Variants in ZNF430 observed in about 807,000 individuals in gnomAD.
ZNF430 encodes zinc finger protein 430.
Under a neutral mutation model 56.7 loss-of-function variants are expected in ZNF430, and 35 were observed. The observed-to-expected ratio is 0.62, with a 90% CI of 0.47 to 0.82. The LOEUF is 0.82. Among genes scored for constraint, ZNF430 ranks in the 40% least tolerant of loss-of-function variants. The probability of loss-of-function intolerance (pLI) is 0.00; values close to 1 mark genes in which losing one functional copy is unlikely to be tolerated. For synonymous variants in ZNF430, 212 were observed against 224.3 expected, an observed-to-expected ratio of 0.94 and a Z score of 0.49; for missense variants, 574 against 661.0, an observed-to-expected ratio of 0.87 and a Z score of 1.44.
At chr19:21,031,162 G>A (rs924437313) in intron 2 of ZNF430, among the ~76,000 whole-genome samples, 1 of 152,172 alleles carries the variant, frequency 6.6e-6, no homozygotes, top group Non-Finnish European at 1.5e-5. Context: ...AGGATTACAA[G>A]TGTGAGCCAC....
Position 21,056,778 on chromosome 19 carries a change from T to A in ZNF430, c.470T>A (p.Leu157Gln). ...TGCKSVDECN[L>Q]HKECYDELNQ... ...TGTAAAAGTGTGGATGAGTGTAATC[T>A]GCACAAAGAATGTTATGATGAACTA... The change falls in exon 5 of 5, where the codon CTG (leucine) becomes CAG (glutamine). Residue 157 changes from leucine to glutamine, a missense_variant. By Grantham distance (113) the Leu-to-Gln change is moderately radical. Around this residue, in one of 3 missense-constraint regions of ZNF430, gnomAD observed 346 missense variants for 399.1 expected, o/e 0.87. Transcript: ENST00000261560. 6.2e-7 allele frequency: 1 copy of A among 1,613,992 alleles called. No homozygotes were observed.
At chr19:21,027,833 A>G (rs1021572273) in intron 2 of ZNF430, among the ~76,000 whole-genome samples, 1 of 152,032 alleles carries the variant, frequency 6.6e-6, no homozygotes, top group Admixed American at 6.6e-5. Flanking sequence ...TTATTGGTCT[A>G]TTCAGGGATT....
intron 4 of ZNF430, among the ~76,000 whole-genome samples, chr19:21,050,996 C>G (rs1046861209): frequency 6.6e-6 from 1 of 152,030 alleles, no homozygotes; most frequent in Non-Finnish European, 1.5e-5. Flanking sequence ...CCACCTCACT[C>G]CAGCCTGGGC....
intron 4 of ZNF430, chr19:21,036,814 A>G (rs1968007753): frequency 6.6e-6 from 1 of 152,038 alleles, no homozygotes; most frequent in Non-Finnish European, 1.5e-5. Flanking sequence ...AAAAAAAAAA[A>G]AAAAACCACA....
chr19:21,053,899 CT>C (rs1172202209), intron 4 of ZNF430, among the ~76,000 whole-genome samples: 3 of 151,480 alleles, frequency 2.0e-5, no homozygotes, highest in African/African-American at 7.3e-5. Context: ...ACTTTTACTT[CT>C]TTCTTATTTT....
At chr19:21,027,123 C>T (rs180708868) in intron 2 of ZNF430, among the ~76,000 whole-genome samples, 65 of 152,138 alleles carry the variant, frequency 4.3e-4, no homozygotes, top group Middle Eastern at 3.4e-3. Context: ...CCCCCATGCC[C>T]GGCAGATGCC....
chr19:21,047,737 G>A (rs373496616), intron 4 of ZNF430, among the ~76,000 whole-genome samples: 99 of 152,288 alleles, frequency 6.5e-4, no homozygotes, highest in African/African-American at 2.4e-3. Context: ...TCCCAGAAGG[G>A]GAATGATCTG....
At chr19:21,020,936 G>T (rs73546311) in intron 1 of ZNF430, 133 bp downstream of exon 1, 4 of 1,281,068 alleles carry the variant, frequency 3.1e-6, no homozygotes, top group Non-Finnish European at 4.5e-6. Flanking sequence ...GCCCAGCTGG[G>T]CCTCAGTCCC....
intron 4 of ZNF430, chr19:21,036,917 C>G (rs1295704608): frequency 6.6e-6 from 1 of 151,914 alleles, no homozygotes; most frequent in Admixed American, 6.6e-5. Flanking sequence ...AACTCAATAC[C>G]CATTAAATAA....
At chr19:21,055,507 G>A (rs146565059) in intron 4 of ZNF430, among the ~76,000 whole-genome samples, 1 of 151,736 alleles carries the variant, frequency 6.6e-6, no homozygotes, top group East Asian at 1.9e-4. Flanking sequence ...GGAGTGCAGT[G>A]GCGCAATCTC....
chr19:21,053,995 C>T (rs1968328205), intron 4 of ZNF430, among the ~76,000 whole-genome samples: 1 of 152,098 alleles, frequency 6.6e-6, no homozygotes, highest in East Asian at 1.9e-4. Context: ...ATATTTCAGT[C>T]TGGTAAAAAG....
At chr19:21,040,490 A>T (rs1395021649) in intron 4 of ZNF430, among the ~76,000 whole-genome samples, 1 of 152,212 alleles carries the variant, frequency 6.6e-6, no homozygotes, top group Non-Finnish European at 1.5e-5. Context: ...GTCTCTTACC[A>T]TGTGATATGT....
chr19:21,058,051 G>A lies in ZNF430; in HGVS notation c.*30G>A, dbSNP rs1403868101. 6.3e-7 allele frequency: 1 copy of A among 1,581,516 alleles called. No homozygotes were observed. Among genetic ancestry groups the A allele is most frequent in the Non-Finnish European group, 8.6e-7 (1 of 1,162,946 alleles). ...TGTGGCAAAGCCTCTAACCCGTCCTGAATTCTTACTAAACATAAGAACATT... is the reference window on the plus strand; with the variant it reads ...TGTGGCAAAGCCTCTAACCCGTCCTAAATTCTTACTAAACATAAGAACATT... On this transcript the variant is annotated 3_prime_UTR_variant, in exon 5 of 5. Coordinates refer to ENST00000261560, the MANE Select transcript of ZNF430 (RefSeq NM_025189.4).
chr19:21,023,011 A>G, intron 2 of ZNF430, 130 bp downstream of exon 2: 3 of 634,808 alleles, frequency 4.7e-6, no homozygotes, highest in Middle Eastern at 7.5e-4. Flanking sequence ...TGGATTGTCT[A>G]AGGGGGCAGA....
At chr19:21,054,651 G>A (rs1968338851) in intron 4 of ZNF430, among the ~76,000 whole-genome samples, 1 of 142,416 alleles carries the variant, frequency 7.0e-6, no homozygotes, top group Admixed American at 6.9e-5. Flanking sequence ...TGTTTTTTGA[G>A]CTTCTTCATT....
chr19:21,042,799 A>G (rs966460271), intron 4 of ZNF430, among the ~76,000 whole-genome samples: 2 of 152,020 alleles, frequency 1.3e-5, no homozygotes, highest in Non-Finnish European at 1.5e-5. Flanking sequence ...AAAAAAAAAA[A>G]ATTTAGAAAA....
intron 4 of ZNF430, among the ~76,000 whole-genome samples, chr19:21,043,158 A>G (rs1294166813): frequency 6.6e-6 from 1 of 152,058 alleles, no homozygotes; most frequent in Admixed American, 6.6e-5. Flanking sequence ...CTTTTGTTGC[A>G]GTTGCTTTTG....
chr19:21,023,725 C>T (rs1372059588), intron 2 of ZNF430, among the ~76,000 whole-genome samples: 1 of 148,898 alleles, frequency 6.7e-6, no homozygotes, highest in Non-Finnish European at 1.5e-5. Context: ...ACATGAGTTT[C>T]TCTCTCTGCA....
rs754170570 is a variant in ZNF430 at position 21,056,592 on chromosome 19, C to T, written c.323-39C>T. 4 of 1,392,744 alleles carry T rather than the reference C, an allele frequency of 2.9e-6. No homozygotes were observed. The South Asian group carries it at 6.4e-5, about 22-fold the overall frequency. The allele number at this position is 1,392,744 out of a possible 1,614,324, so 86.3% of individuals were successfully genotyped here. A position where few individuals can be genotyped will look rare whatever the true frequency, so the allele number is the denominator to read the frequency against. On this transcript the variant is annotated intron_variant, in intron 4 of 4. Coordinates refer to ENST00000261560, the MANE Select transcript of ZNF430 (RefSeq NM_025189.4). Reference sequence around the variant, plus strand: ...ATTTGTAAAGCATATTCATCTGAGTCTAGTAAATGGAGTAATTTGTTATTT... The same window carrying T: ...ATTTGTAAAGCATATTCATCTGAGTTTAGTAAATGGAGTAATTTGTTATTT...
Sources: allele counts gnomAD v4.1 joint callset (sites outside exome capture counted in the v4.1 genomes callset), GRCh38; gene constraint gnomAD v4.1.1; regional missense constraint gnomAD v4.1.1; transcripts MANE v1.5; gene names NCBI Gene and HGNC (gene_info 2026-07-23, HGNC 2026-07-21).